PPP2R5D: variants seen among roughly 807,000 people sequenced by gnomAD.
PPP2R5D encodes the protein protein phosphatase 2 regulatory subunit B'delta.
In PPP2R5D, 12 loss-of-function variants were observed where a neutral mutation model predicts 79.1. The observed-to-expected ratio is 0.15, with a 90% CI of 0.10 to 0.25. The LOEUF is 0.25. Ranked by LOEUF, PPP2R5D falls within the 10% of genes least tolerant of loss-of-function variation. The pLI, the probability that PPP2R5D is intolerant of heterozygous loss-of-function variation, is 1.00. For missense variants in PPP2R5D, 419 were observed against 760.2 expected (o/e 0.55, Z 5.28); for synonymous variants, 277 against 286.6 (o/e 0.97, Z 0.34).
chr6:42,991,808 T>C (rs1771281998), intron 2 of PPP2R5D, among the ~76,000 whole-genome samples: 1 of 152,202 alleles, frequency 6.6e-6, no homozygotes, highest in African/African-American at 2.4e-5. Flanking sequence ...TGCTATGATT[T>C]ATCCACTGCC....
intron 1 of PPP2R5D, 26 bp downstream of exon 1, chr6:42,984,730 C>T: frequency 1.2e-6 from 2 of 1,611,762 alleles, no homozygotes; most frequent in South Asian, 1.1e-5. Context: ...TTTCCCCCAC[C>T]GCCGCCTTGG....
At position 43,008,951 on chromosome 6, in the gene PPP2R5D, C is replaced by T; in HGVS notation, c.1081-106C>T. The T allele has an allele frequency of 3.6e-6, 5 of 1,405,908 alleles. No individual in the cohort carries two copies. Among genetic ancestry groups the T allele is most frequent in the Non-Finnish European group, 4.9e-6 (5 of 1,018,566 alleles). 87.1% of individuals were successfully genotyped at this position (1,405,908 alleles called of 1,614,324 possible). ...AGAAACGGGTAGCTGGCTGAGATCA[C>T]CCAAACTGTGCCCACCAGGGTGGGG... On this transcript the variant is annotated intron_variant, in intron 10 of 15. Coordinates refer to ENST00000485511, the MANE Select transcript of PPP2R5D (RefSeq NM_006245.4). This position sits in a 1 kb window ranked among gnomAD's most constrained non-coding sequence, Gnocchi z 4.2.
chr6:43,009,332 G>A lies in PPP2R5D; in HGVS notation c.1262G>A (p.Arg421His), dbSNP rs1762241526. 6.2e-7 allele frequency: 1 copy of A among 1,614,016 alleles called. No homozygotes were observed. The highest frequency in any genetic ancestry group is 1.3e-5 in the African/African-American group (1 of 74,974). ...GCCTCTCCCCACCAGGTGGCAGAGC[G>A]TGCTCTCTATTACTGGAACAATGAG... ...VSSPHFQVAERALYYWNNEYI... is the reference protein window; with the variant it reads ...VSSPHFQVAEHALYYWNNEYI... The change falls in exon 12 of 16, where the codon CGT becomes CAT. Residue 421 changes from arginine (R) to histidine (H), a missense_variant. Physicochemically the swap from Arg to His is conservative, Grantham distance 29. Coordinates refer to ENST00000485511, the MANE Select transcript of PPP2R5D (RefSeq NM_006245.4). The surrounding 1 kb of genome is among the most constrained non-coding windows in gnomAD (Gnocchi z 5.6).
intron 2 of PPP2R5D, among the ~76,000 whole-genome samples, chr6:42,997,795 C>T (rs1771811665): frequency 6.6e-6 from 1 of 151,370 alleles, no homozygotes; most frequent in South Asian, 2.1e-4. Flanking sequence ...ATCCGCCCAC[C>T]TCAGCCTCCC....
Position 43,008,012 on chromosome 6 carries a change from G to A in PPP2R5D, c.804G>A (p.Lys268=), listed in dbSNP as rs1189167919. ...LKTILHRIYG[K]FLGLRAYIRR... ...CCATTTTGCATCGCATCTATGGCAA[G>A]TTTTTGGGGCTCCGGGCTTATATCC... The change falls in exon 7 of 16, where the codon AAG becomes AAA. Residue 268 remains lysine (K), a synonymous_variant. Transcript: ENST00000485511. The surrounding 1 kb of genome is among the most constrained non-coding windows in gnomAD (Gnocchi z 4.2). 1 of 1,614,208 alleles carries A rather than the reference G, an allele frequency of 6.2e-7. No homozygotes were observed. Among genetic ancestry groups the A allele is most frequent in the South Asian group, 1.1e-5 (1 of 91,088 alleles).
At chr6:42,985,648 C>T (rs954212655) in intron 1 of PPP2R5D, among the ~76,000 whole-genome samples, 3 of 151,784 alleles carry the variant, frequency 2.0e-5, no homozygotes, top group Non-Finnish European at 4.4e-5. Context: ...TTCTGCCTTT[C>T]CTAAGCTACA....
intron 2 of PPP2R5D, among the ~76,000 whole-genome samples, chr6:42,998,059 T>A (rs867980210): frequency 7.6e-3 from 118 of 15,538 alleles, no homozygotes; most frequent in African/African-American, 1.0e-2. Flanking sequence ...ATATATATAT[T>A]TTTTTTTTTT....
At chr6:42,999,280 C>G (rs1248756801) in intron 2 of PPP2R5D, among the ~76,000 whole-genome samples, 1 of 152,176 alleles carries the variant, frequency 6.6e-6, no homozygotes, top group Non-Finnish European at 1.5e-5. Flanking sequence ...CTCCCTCTGA[C>G]ATGCATGTTT....
chr6:42,989,866 G>A (rs1454388230), intron 2 of PPP2R5D, among the ~76,000 whole-genome samples, 178 bp downstream of exon 2: 1 of 152,204 alleles, frequency 6.6e-6, no homozygotes, highest in African/African-American at 2.4e-5. Flanking sequence ...GGTTGGTATA[G>A]ACCAAATACA....
intron 1 of PPP2R5D, among the ~76,000 whole-genome samples, chr6:42,985,501 C>T (rs1318451009): frequency 6.6e-6 from 1 of 152,192 alleles, no homozygotes; most frequent in Non-Finnish European, 1.5e-5. Flanking sequence ...TGTATCAAAG[C>T]CCTCCTAACT....
intron 2 of PPP2R5D, among the ~76,000 whole-genome samples, chr6:43,005,096 A>G (rs1225842281): frequency 3.7e-5 from 5 of 135,144 alleles, no homozygotes; most frequent in African/African-American, 1.1e-4. Context: ...CCATTTATTC[A>G]TTTTCTGTTA....
rs759796179 is a variant in PPP2R5D at position 43,006,492 on chromosome 6, G to A, written c.135G>A (p.Gln45=). Residue 45 remains glutamine, a synonymous_variant, in exon 3 of 16, where the codon CAG becomes CAA. Transcript: ENST00000485511. The surrounding 1 kb of genome is among the most constrained non-coding windows in gnomAD (Gnocchi z 4.7). ...AGCCGCAGCCCCAGCCCCAGCCCCAGCCCCAAGCCCAGTCTCAGCCACCGT... is the reference window on the plus strand; with the variant it reads ...AGCCGCAGCCCCAGCCCCAGCCCCAACCCCAAGCCCAGTCTCAGCCACCGT... The part of the protein sequence containing the change: ...EAQPQPQPQP[Q]PQAQSQPPSS... 6.8e-6 allele frequency: 11 copies of A among 1,613,374 alleles called. No homozygotes were observed. The Admixed American group carries it at 1.8e-4, about 27-fold the overall frequency.
At chr6:43,002,643 C>T (rs532223025) in intron 2 of PPP2R5D, among the ~76,000 whole-genome samples, 5 of 152,254 alleles carry the variant, frequency 3.3e-5, no homozygotes, top group African/African-American at 1.2e-4. Flanking sequence ...ATGTCTAATA[C>T]ACGGGACCCA....
At position 43,007,164 on chromosome 6, in the gene PPP2R5D, C is replaced by G. The variant is rs749934680; in HGVS notation, c.523-32C>G. The G allele has an allele frequency of 6.2e-7, 1 of 1,613,886 alleles. No homozygotes were observed. The highest frequency in any genetic ancestry group is 8.5e-7 in the Non-Finnish European group (1 of 1,179,918). On this transcript the variant is annotated intron_variant, in intron 4 of 15. Transcript: ENST00000485511. The surrounding 1 kb of genome is among the most constrained non-coding windows in gnomAD (Gnocchi z 4.5). Reference sequence around the variant, plus strand: ...ACTGGTGAGGGGCTCTGGAGAAGCCCAGGTGGAGCTCTAACTGGCCCTACC... The same window carrying G: ...ACTGGTGAGGGGCTCTGGAGAAGCCGAGGTGGAGCTCTAACTGGCCCTACC...
rs1173780629 is a variant in PPP2R5D at position 42,984,722 on chromosome 6, T to C, written c.27+18T>C. The C allele has an allele frequency of 3.1e-6, 5 of 1,611,390 alleles. No individual in the cohort carries two copies. The highest frequency in any genetic ancestry group is 4.2e-6 in the Non-Finnish European group (5 of 1,178,906). On this transcript the variant is annotated intron_variant, in intron 1 of 15. Transcript: ENST00000485511. ...AGGAGAAGGTGAGCGTGGCCCTTTT[T>C]CCCCCACCGCCGCCTTGGAGCCTGC...
rs1189100610 is a variant in PPP2R5D at position 42,998,011 on chromosome 6, T to TAATATATA, written c.105+8323_105+8324insAATATATA. On this transcript the variant is annotated intron_variant, in intron 2 of 15. Transcript: ENST00000485511. The stretch of plus-strand genomic sequence containing the variant: ...TTATTTATATTTGAATATTTGGGTT[T>TAATATATA]TATTTATATATATATATATATATAT... Among the ~76,000 whole-genome samples the TAATATATA allele has an allele frequency of 4.5e-4, 33 of 72,588 alleles. 1 individual carries two copies. The highest frequency in any genetic ancestry group is 2.5e-3 in the African/African-American group (29 of 11,762). 47.6% of individuals were successfully genotyped at this position (72,588 alleles called of 152,430 possible). A position where few individuals can be genotyped will look rare whatever the true frequency, so the allele number is the denominator to read the frequency against.
rs762989587 is a variant in PPP2R5D, at chr6:43,011,200, C to G, written c.1723C>G (p.Leu575Val). Residue 575 changes from leucine (L) to valine (V), a missense_variant, in exon 16 of 16, where the codon CTG becomes GTG. Physicochemically the swap from Leu to Val is conservative, Grantham distance 32. Transcript: ENST00000485511. Reference sequence around the variant, plus strand: ...AGTGCTGCTGCGGAGGAAGTCGGAGCTGCCCCAGGACGTGTACACCATCAA... The same window carrying G: ...AGTGCTGCTGCGGAGGAAGTCGGAGGTGCCCCAGGACGTGTACACCATCAA... ...EKVLLRRKSE[L>V]PQDVYTIKAL... The G allele has an allele frequency of 6.2e-7, 1 of 1,614,020 alleles. No homozygotes were observed.
Position 43,009,218 on chromosome 6 carries a change from C to G in PPP2R5D, c.1242C>G (p.Pro414=). Residue 414 remains proline, a synonymous_variant, in exon 11 of 16, where the codon CCC becomes CCG. Transcript: ENST00000485511. The surrounding 1 kb of genome is among the most constrained non-coding windows in gnomAD (Gnocchi z 5.6). ...FRQLAKCVSS[P]HFQVAERALY... ...AGCTGGCCAAGTGTGTCTCTAGCCCCCATTTCCAGGTGAGACTCCAACCTA... is the reference window on the plus strand; with the variant it reads ...AGCTGGCCAAGTGTGTCTCTAGCCCGCATTTCCAGGTGAGACTCCAACCTA... 1.2e-6 allele frequency: 2 copies of G among 1,614,138 alleles called. No individual in the cohort carries two copies. Among genetic ancestry groups the G allele is most frequent in the Non-Finnish European group, 1.7e-6 (2 of 1,180,026 alleles).
In PPP2R5D at chr6:43,008,021, G is replaced by T. The variant is rs751943580; in HGVS notation, c.813G>T (p.Gly271=). The change falls in exon 7 of 16, where the codon GGG becomes GGT. Residue 271 remains glycine, a synonymous_variant. Transcript: ENST00000485511. This position sits in a 1 kb window ranked among gnomAD's most constrained non-coding sequence, Gnocchi z 4.2. ...ATCGCATCTATGGCAAGTTTTTGGG[G>T]CTCCGGGCTTATATCCGTAGGCAGA... ...ILHRIYGKFL[G]LRAYIRRQIN... The T allele has an allele frequency of 2.4e-5, 39 of 1,614,184 alleles. No homozygotes were observed. Among genetic ancestry groups the T allele is most frequent in the Non-Finnish European group, 3.3e-5 (39 of 1,180,048 alleles).
Sources: allele counts gnomAD v4.1 joint callset (sites outside exome capture counted in the v4.1 genomes callset), GRCh38; gene constraint gnomAD v4.1.1; non-coding constraint Gnocchi (gnomAD v3.1); transcripts MANE v1.5; gene names NCBI Gene and HGNC (gene_info 2026-07-23, HGNC 2026-07-21).